The following C8orf34 variants were observed in gnomAD, a reference collection of about 807,000 sequenced individuals.
The protein encoded by C8orf34 is chromosome 8 open reading frame 34.
C8orf34 carries 65 observed loss-of-function variants against 68.3 expected under a neutral mutation model. That is an observed-to-expected ratio of 0.95 (90% CI 0.78 to 1.17). The LOEUF (loss-of-function observed/expected upper bound fraction) is 1.17, where lower values mean the gene tolerates loss of function less well. C8orf34 is among the 50% of genes most tolerant of loss of function. The pLI is 0.00. For missense variants in C8orf34, 664 were observed against 655.4 expected, an observed-to-expected ratio of 1.01 and a Z score of -0.14; for synonymous variants, 244 against 241.2, an observed-to-expected ratio of 1.01 and a Z score of -0.11.
chr8:68,620,660 G>T (rs1054023589), intron 7 of C8orf34, among the ~76,000 whole-genome samples: 1 of 128,498 alleles, frequency 7.8e-6, no homozygotes, highest in Non-Finnish European at 1.8e-5. Flanking sequence ...AACTATATCT[G>T]TGTCAAAAAA....
At chr8:68,439,441 T>C in intron 1 of C8orf34, 58 bp from the exon 2 acceptor site, 1 of 1,535,444 alleles carries the variant, frequency 6.5e-7, no homozygotes. Flanking sequence ...AAGTAAGTGC[T>C]TGCTATTACT....
intron 7 of C8orf34, among the ~76,000 whole-genome samples, chr8:68,616,445 A>C (rs374729597): frequency 1.3e-3 from 193 of 152,116 alleles, no homozygotes; most frequent in African/African-American, 3.7e-3. Flanking sequence ...AAATTTCCCT[A>C]TACACACTGC....
At chr8:68,571,461 G>A (rs1176574558) in intron 7 of C8orf34, among the ~76,000 whole-genome samples, 1 of 152,148 alleles carries the variant, frequency 6.6e-6, no homozygotes, top group Non-Finnish European at 1.5e-5. Flanking sequence ...AGTCTAGCAG[G>A]AACTATCATT....
intron 5 of C8orf34, among the ~76,000 whole-genome samples, chr8:68,515,594 G>A (rs936012509): frequency 2.0e-5 from 3 of 151,956 alleles, no homozygotes; most frequent in South Asian, 2.1e-4. Flanking sequence ...AACAAAACTC[G>A]AGAGCCACAA....
At chr8:68,637,472 ATG>A (rs1282747877) in intron 7 of C8orf34, among the ~76,000 whole-genome samples, 1 of 152,118 alleles carries the variant, frequency 6.6e-6, no homozygotes, top group African/African-American at 2.4e-5. Context: ...TGCATGATGT[ATG>A]TGTGCATGAA....
chr8:68,467,567 G>A (rs533598590), intron 3 of C8orf34, among the ~76,000 whole-genome samples: 5 of 151,710 alleles, frequency 3.3e-5, no homozygotes, highest in Admixed American at 6.6e-5. Context: ...CTATCTTCCC[G>A]AGAATTCCCT....
intron 7 of C8orf34, among the ~76,000 whole-genome samples, chr8:68,561,036 G>A (rs1486118052): frequency 6.8e-6 from 1 of 147,484 alleles, no homozygotes; most frequent in Non-Finnish European, 1.5e-5. Context: ...GTGCAGTGGT[G>A]TGATCGTGTG....
chr8:68,706,339 A>G, intron 8 of C8orf34, among the ~76,000 whole-genome samples: 1 of 152,134 alleles, frequency 6.6e-6, no homozygotes, highest in South Asian at 2.1e-4. Flanking sequence ...TATACCTAGG[A>G]GAAAGAAGAG....
intron 7 of C8orf34, among the ~76,000 whole-genome samples, chr8:68,554,850 TA>T (rs1267937598): frequency 6.6e-6 from 1 of 152,116 alleles, no homozygotes; most frequent in Non-Finnish European, 1.5e-5. Context: ...ATATCTTTTT[TA>T]AAAAAATTAC....
intron 6 of C8orf34, among the ~76,000 whole-genome samples, chr8:68,523,229 A>G (rs1158162465): frequency 1.3e-5 from 2 of 152,356 alleles, no homozygotes; most frequent in African/African-American, 4.8e-5. Context: ...TACCAGGCTT[A>G]TAAAACCTAC....
intron 1 of C8orf34, among the ~76,000 whole-genome samples, chr8:68,334,783 A>G (rs1421748889): frequency 6.6e-6 from 1 of 152,208 alleles, no homozygotes; most frequent in Non-Finnish European, 1.5e-5. Context: ...AAGTGCTTCT[A>G]CTCACATGGT....
At chr8:68,459,360 G>T (rs139317755) in intron 3 of C8orf34, among the ~76,000 whole-genome samples, 2 of 152,110 alleles carry the variant, frequency 1.3e-5, no homozygotes, top group African/African-American at 4.8e-5. Flanking sequence ...CTCCCGAGTA[G>T]CTGGGACTAC....
intron 1 of C8orf34, among the ~76,000 whole-genome samples, chr8:68,343,749 A>G (rs2129618141): frequency 6.6e-6 from 1 of 152,180 alleles, no homozygotes; most frequent in East Asian, 1.9e-4. Context: ...ATGCACCATC[A>G]TGCCCAGCTA....
intron 7 of C8orf34, among the ~76,000 whole-genome samples, chr8:68,599,542 C>T (rs558350889): frequency 5.3e-4 from 81 of 151,894 alleles, no homozygotes; most frequent in Non-Finnish European, 6.9e-4. Flanking sequence ...AGAAGTGGAC[C>T]TTTACATACA....
chr8:68,344,675 A>C (rs540634643), intron 1 of C8orf34, among the ~76,000 whole-genome samples: 62 of 152,308 alleles, frequency 4.1e-4, no homozygotes, highest in African/African-American at 1.3e-3. Context: ...TTAACTTTCA[A>C]GAAAGTAGAC....
Position 68,390,642 on chromosome 8 carries a change from GT to G in C8orf34, c.328-48853del, listed in dbSNP as rs762653688. 1.1e-4 allele frequency among the ~76,000 whole-genome samples: 16 copies of G among 152,230 alleles called. 1 individual carries two copies. The East Asian group carries it at 2.9e-3, about 28-fold the overall frequency. ...GGCTGTGTACATTCCCCAGGCATGG[GT>G]TTTGGAACACAGGGGATCTGACTGT... On this transcript the variant is annotated intron_variant, in intron 1 of 13. Coordinates refer to ENST00000518698, the MANE Select transcript of C8orf34 (RefSeq NM_052958.4).
At chr8:68,648,951 A>G (rs1486157255) in intron 8 of C8orf34, among the ~76,000 whole-genome samples, 1 of 152,156 alleles carries the variant, frequency 6.6e-6, no homozygotes, top group Admixed American at 6.5e-5. Flanking sequence ...TGTCTATATT[A>G]TTTATTAGTT....
chr8:68,470,156 T>C (rs1812322088), intron 4 of C8orf34, among the ~76,000 whole-genome samples: 2 of 151,950 alleles, frequency 1.3e-5, no homozygotes, highest in African/African-American at 4.8e-5. Flanking sequence ...GTAAAGTGAG[T>C]TTTTGGCTTA....
intron 10 of C8orf34, among the ~76,000 whole-genome samples, chr8:68,723,620 A>G (rs1261163458): frequency 2.0e-5 from 3 of 152,084 alleles, no homozygotes; most frequent in African/African-American, 7.2e-5. Flanking sequence ...GTTGTCCTTC[A>G]GGTTGTAATA....
Sources: allele counts gnomAD v4.1 joint callset (sites outside exome capture counted in the v4.1 genomes callset), GRCh38; gene constraint gnomAD v4.1.1; transcripts MANE v1.5; gene names NCBI Gene and HGNC (gene_info 2026-07-23, HGNC 2026-07-21).